PLPPR1: variants seen among roughly 807,000 people sequenced by gnomAD.
PLPPR1 encodes the protein phospholipid phosphatase related 1, also known as phospholipid phosphatase-related protein type 1.
PLPPR1 carries 10 observed loss-of-function variants against 33.1 expected under a neutral mutation model. The ratio of observed to expected loss-of-function variants is 0.30; its 90% CI spans 0.19 to 0.51. PLPPR1 has a LOEUF of 0.51. Ranked by LOEUF, PLPPR1 falls within the 20% of genes least tolerant of loss-of-function variation. The probability of loss-of-function intolerance (pLI) is 0.97; values close to 1 mark genes in which losing one functional copy is unlikely to be tolerated. For missense variants in PLPPR1, 304 were observed against 408.1 expected (o/e 0.74, Z 2.20); for synonymous variants, 151 against 151.0 (o/e 1.00, Z 0.00).
chr9:101,038,813 T>C (rs1401165519), intron 1 of PLPPR1, among the ~76,000 whole-genome samples: 2 of 148,724 alleles, frequency 1.3e-5, no homozygotes, highest in Non-Finnish European at 3.0e-5. Flanking sequence ...CTCCCGCCCA[T>C]CCCTGCCCAT....
At chr9:101,293,474 C>T (rs1193991398) in intron 4 of PLPPR1, among the ~76,000 whole-genome samples, 2 of 152,044 alleles carry the variant, frequency 1.3e-5, no homozygotes, top group Non-Finnish European at 2.9e-5. Context: ...CTACAGAACT[C>T]TCCACCCCAA....
chr9:101,220,490 TTAAGA>T (rs1826908039), intron 2 of PLPPR1, among the ~76,000 whole-genome samples: 1 of 152,314 alleles, frequency 6.6e-6, no homozygotes, highest in Non-Finnish European at 1.5e-5. Context: ...GGATACAGGC[TTAAGA>T]TAAGGCTTGA....
At chr9:101,131,991 G>A (rs543724147) in intron 1 of PLPPR1, among the ~76,000 whole-genome samples, 2 of 152,300 alleles carry the variant, frequency 1.3e-5, no homozygotes, top group East Asian at 3.9e-4. Flanking sequence ...AACAGTATCT[G>A]GCTTATAGCA....
chr9:101,160,806 C>G (rs563575783), intron 1 of PLPPR1, among the ~76,000 whole-genome samples: 1 of 152,230 alleles, frequency 6.6e-6, no homozygotes, highest in South Asian at 2.1e-4. Context: ...AAGCCCTTAA[C>G]TTCCTTGTTC....
chr9:101,052,364 A>C (rs1378937250), intron 1 of PLPPR1, among the ~76,000 whole-genome samples: 1 of 152,206 alleles, frequency 6.6e-6, no homozygotes, highest in Non-Finnish European at 1.5e-5. Flanking sequence ...GGGAAGGAGT[A>C]GAGCTATGGT....
chr9:101,111,532 C>G (rs913819777), intron 1 of PLPPR1, among the ~76,000 whole-genome samples: 19 of 152,190 alleles, frequency 1.2e-4, no homozygotes, highest in Admixed American at 1.0e-3. Flanking sequence ...CCTGTTATAC[C>G]TATATTTGCA....
At position 101,293,183 on chromosome 9, in the gene PLPPR1, A is replaced by G. The variant is rs1037964254; in HGVS notation, c.385+6947A>G. ...CTCTGATAAAACAGACTGTAAACCA[A>G]CAAAGATCAAAAGAGACAAAAAAGG... On this transcript the variant is annotated intron_variant, in intron 4 of 7. Coordinates refer to ENST00000374874, the MANE Select transcript of PLPPR1 (RefSeq NM_207299.2). Among the ~76,000 whole-genome samples the G allele has an allele frequency of 1.8e-3, 279 of 151,826 alleles. 1 individual carries two copies. The highest frequency in any genetic ancestry group is 6.5e-3 in the African/African-American group (267 of 41,082).
intron 1 of PLPPR1, among the ~76,000 whole-genome samples, chr9:101,151,290 AG>A (rs1029245249): frequency 1.3e-5 from 2 of 152,204 alleles, no homozygotes; most frequent in African/African-American, 4.8e-5. Context: ...TTTAAAATGT[AG>A]GAAACTAAGT....
intron 2 of PLPPR1, among the ~76,000 whole-genome samples, chr9:101,241,084 T>A (rs1161757575): frequency 1.3e-5 from 2 of 152,124 alleles, no homozygotes; most frequent in Admixed American, 1.3e-4. Flanking sequence ...TATAATTTTC[T>A]AAAAATAATG....
intron 2 of PLPPR1, among the ~76,000 whole-genome samples, chr9:101,250,071 T>TA (rs994801722): frequency 3.1e-4 from 47 of 152,212 alleles, no homozygotes; most frequent in African/African-American, 1.1e-3. Context: ...AAATGTTTTT[T>TA]AAATGACTGC....
At chr9:101,294,263 A>T (rs1159213766) in intron 4 of PLPPR1, among the ~76,000 whole-genome samples, 8 of 151,930 alleles carry the variant, frequency 5.3e-5, no homozygotes, top group Non-Finnish European at 7.4e-5. Flanking sequence ...AAGAAGTTGA[A>T]TCTCTGAATA....
intron 1 of PLPPR1, among the ~76,000 whole-genome samples, chr9:101,053,780 A>G (rs969575918): frequency 1.3e-5 from 2 of 152,210 alleles, no homozygotes; most frequent in Admixed American, 6.5e-5. Context: ...GCTTGATCAT[A>G]AATGGCCTTG....
At chr9:101,293,501 T>C (rs1389529202) in intron 4 of PLPPR1, among the ~76,000 whole-genome samples, 3 of 152,022 alleles carry the variant, frequency 2.0e-5, no homozygotes, top group Non-Finnish European at 4.4e-5. Flanking sequence ...AGAATATACA[T>C]TTTTTTCAGC....
Position 101,109,103 on chromosome 9 carries a change from C to T in PLPPR1, c.-45-76347C>T, listed in dbSNP as rs560326824. ...CCTCCCAAGTAGCTGGGACTACAGGCGCCCGCCACCACGCCTGGCTAATTT... is the reference window on the plus strand; with the variant it reads ...CCTCCCAAGTAGCTGGGACTACAGGTGCCCGCCACCACGCCTGGCTAATTT... On this transcript the variant is annotated intron_variant, in intron 1 of 7. Transcript: ENST00000374874. Among the ~76,000 whole-genome samples the T allele has an allele frequency of 1.8e-4, 27 of 149,362 alleles. No homozygotes were observed. In the South Asian group the frequency reaches 1.9e-3, roughly 11 times the overall value.
At chr9:101,133,513 T>G (rs989119628) in intron 1 of PLPPR1, among the ~76,000 whole-genome samples, 1 of 152,158 alleles carries the variant, frequency 6.6e-6, no homozygotes, top group Non-Finnish European at 1.5e-5. Flanking sequence ...TCACTTTAGC[T>G]GCAAAAACTG....
At chr9:101,289,929 C>A (rs1400507812) in intron 4 of PLPPR1, among the ~76,000 whole-genome samples, 1 of 152,178 alleles carries the variant, frequency 6.6e-6, no homozygotes, top group African/African-American at 2.4e-5. Context: ...GTTTAATTAA[C>A]TTTATTACCA....
chr9:101,178,843 C>G (rs774536752), intron 1 of PLPPR1, among the ~76,000 whole-genome samples: 5 of 152,268 alleles, frequency 3.3e-5, no homozygotes, highest in Admixed American at 3.3e-4. Flanking sequence ...GGAAGTGGCA[C>G]CACTCACCAT....
intron 1 of PLPPR1, among the ~76,000 whole-genome samples, chr9:101,130,098 G>A (rs1831296555): frequency 6.6e-6 from 1 of 152,004 alleles, no homozygotes; most frequent in Non-Finnish European, 1.5e-5. Flanking sequence ...TTATGGTGAT[G>A]GATTCATGGG....
intron 1 of PLPPR1, among the ~76,000 whole-genome samples, chr9:101,071,978 A>G (rs1261069690): frequency 6.6e-6 from 1 of 152,160 alleles, no homozygotes; most frequent in Non-Finnish European, 1.5e-5. Context: ...TATTCAGTGT[A>G]TCTATGAATC....
Sources: allele counts gnomAD v4.1 joint callset (sites outside exome capture counted in the v4.1 genomes callset), GRCh38; gene constraint gnomAD v4.1.1; transcripts MANE v1.5; gene names NCBI Gene and HGNC (gene_info 2026-07-23, HGNC 2026-07-21).